The following TMED10 variants were observed in gnomAD, a reference collection of about 807,000 sequenced individuals.
TMED10 encodes transmembrane emp24 domain-containing protein 10.
A neutral mutation model predicts 23.1 loss-of-function variants in TMED10; 7 were observed. The ratio of observed to expected loss-of-function variants is 0.30; its 90% CI spans 0.17 to 0.57. TMED10 has a LOEUF of 0.57. Ranked by LOEUF, TMED10 falls within the 20% of genes least tolerant of loss-of-function variation. TMED10 has a pLI of 0.91. For missense variants in TMED10, 162 were observed against 274.8 expected (o/e 0.59, Z 2.90); for synonymous variants, 113 against 106.9 (o/e 1.06, Z -0.35).
At chr14:75,159,764 C>T (rs1306210396) in intron 1 of TMED10, among the ~76,000 whole-genome samples, 1 of 152,162 alleles carries the variant, frequency 6.6e-6, no homozygotes, top group Non-Finnish European at 1.5e-5. Context: ...CCAGCTGGTA[C>T]TCCAAAGGGG....
intron 1 of TMED10, among the ~76,000 whole-genome samples, chr14:75,164,326 G>A (rs893403221): frequency 4.7e-5 from 7 of 150,382 alleles, no homozygotes; most frequent in Non-Finnish European, 1.0e-4. Flanking sequence ...CCACCTCCGG[G>A]TTCAAGCAAT....
chr14:75,154,335 G>C (rs1368788594), intron 1 of TMED10, among the ~76,000 whole-genome samples: 2 of 129,600 alleles, frequency 1.5e-5, no homozygotes, highest in African/African-American at 5.9e-5. Flanking sequence ...CCGGGAGGCA[G>C]AAGTTGCGGT....
intron 3 of TMED10, among the ~76,000 whole-genome samples, chr14:75,137,985 A>G (rs1895774173): frequency 6.6e-6 from 1 of 152,130 alleles, no homozygotes; most frequent in South Asian, 2.1e-4. Flanking sequence ...CTGGGATTAC[A>G]GGCGTGAGCC....
intron 1 of TMED10, among the ~76,000 whole-genome samples, chr14:75,164,577 A>ATATAT (rs1566675301): frequency 2.2e-5 from 1 of 45,134 alleles, no homozygotes; most frequent in African/African-American, 2.2e-4. Context: ...ATATATATAT[A>ATATAT]TTTTTTTTTT....
intron 1 of TMED10, among the ~76,000 whole-genome samples, chr14:75,163,161 G>A (rs1896105016): frequency 6.6e-6 from 1 of 152,118 alleles, no homozygotes; most frequent in Non-Finnish European, 1.5e-5. Flanking sequence ...AGGATTGCCT[G>A]ATCCCAGGAG....
At chr14:75,139,324 A>G (rs1895793393) in intron 3 of TMED10, among the ~76,000 whole-genome samples, 1 of 151,484 alleles carries the variant, frequency 6.6e-6, no homozygotes, top group East Asian at 1.9e-4. Context: ...ACTGCTGCAC[A>G]GCATTCCACA....
At chr14:75,152,622 A>G (rs146557721) in intron 1 of TMED10, among the ~76,000 whole-genome samples, 42 of 152,336 alleles carry the variant, frequency 2.8e-4, no homozygotes, top group African/African-American at 9.4e-4. Flanking sequence ...CACACAATAC[A>G]AGGACAGCAG....
chr14:75,163,080 A>AT (rs1420187371), intron 1 of TMED10, among the ~76,000 whole-genome samples: 8 of 145,412 alleles, frequency 5.5e-5, no homozygotes, highest in African/African-American at 1.0e-4. Flanking sequence ...AAAAATAATT[A>AT]AAAAAAAAAA....
chr14:75,148,003 G>A, intron 2 of TMED10: 1 of 534,264 alleles, frequency 1.9e-6, no homozygotes, highest in South Asian at 2.1e-5. Context: ...AAGGACACAA[G>A]ATACTGCAAC....
chr14:75,167,375 T>TCCTC (rs1896177806), intron 1 of TMED10, among the ~76,000 whole-genome samples: 1 of 151,912 alleles, frequency 6.6e-6, no homozygotes, highest in South Asian at 2.1e-4. Context: ...TTTCCTTCCT[T>TCCTC]CCTCCCTCCC....
At chr14:75,176,243 G>T in intron 1 of TMED10, 112 bp downstream of exon 1, 2 of 1,345,022 alleles carry the variant, frequency 1.5e-6, no homozygotes, top group South Asian at 1.3e-5. Context: ...TGCGCTCCCG[G>T]GAGGCCAGAA....
At chr14:75,168,139 G>T (rs1006516317) in intron 1 of TMED10, among the ~76,000 whole-genome samples, 6 of 152,034 alleles carry the variant, frequency 3.9e-5, no homozygotes, top group Non-Finnish European at 8.8e-5. Context: ...ATCTCTCTCT[G>T]CTTCAGAAAG....
At chr14:75,147,864 T>A in intron 2 of TMED10, 127 bp from the exon 3 acceptor site, 1 of 805,580 alleles carries the variant, frequency 1.2e-6, no homozygotes, top group Non-Finnish European at 1.9e-6. Context: ...CCACAACTCC[T>A]CCCCCTGCTC....
intron 2 of TMED10, among the ~76,000 whole-genome samples, chr14:75,151,245 G>A (rs1895953276): frequency 6.6e-6 from 1 of 151,044 alleles, no homozygotes; most frequent in Non-Finnish European, 1.5e-5. Flanking sequence ...TTTTGAGATG[G>A]AGTCTCACTC....
In TMED10 at chr14:75,152,207, C is replaced by T; in HGVS notation, c.226-64G>A. The T allele has an allele frequency of 2.3e-6, 3 of 1,324,990 alleles. No homozygotes were observed. The South Asian group carries it at 3.7e-5, about 16-fold the overall frequency. The allele number at this position is 1,324,990 out of a possible 1,614,324, so 82.1% of individuals were successfully genotyped here. ...CACTCAGGAAGAGAACTTACAGAAA[C>T]TGGGAAGATAGAGACACTATCTATG... On this transcript the variant is annotated intron_variant, in intron 1 of 4. Transcript: ENST00000303575.
chr14:75,176,590 A>C lies in TMED10; in HGVS notation c.-11T>G, dbSNP rs1213842523. 6.2e-7 allele frequency: 1 copy of C among 1,613,542 alleles called. No homozygotes were observed. The highest frequency in any genetic ancestry group is 1.3e-5 in the African/African-American group (1 of 74,900). The stretch of plus-strand genomic sequence containing the variant: ...AGACAAACCAGACATGGTGCTGGAG[A>C]CTCGTTCACCACCGAAGGCCTCAAC... On this transcript the variant is annotated 5_prime_UTR_variant, in exon 1 of 5. Coordinates refer to ENST00000303575, the MANE Select transcript of TMED10 (RefSeq NM_006827.6).
intron 1 of TMED10, among the ~76,000 whole-genome samples, chr14:75,157,341 A>G (rs1329793835): frequency 6.6e-6 from 1 of 152,220 alleles, no homozygotes; most frequent in Non-Finnish European, 1.5e-5. Flanking sequence ...TAACTTGTCC[A>G]TTATAGCAGT....
At chr14:75,151,549 GT>G (rs1218897955) in intron 2 of TMED10, among the ~76,000 whole-genome samples, 2 of 152,154 alleles carry the variant, frequency 1.3e-5, no homozygotes, top group Non-Finnish European at 2.9e-5. Flanking sequence ...TGTTAGAGCA[GT>G]TTTAGGTTCA....
intron 1 of TMED10, among the ~76,000 whole-genome samples, chr14:75,172,586 G>A (rs1046790393): frequency 1.3e-5 from 2 of 152,136 alleles, no homozygotes; most frequent in Non-Finnish European, 2.9e-5. Flanking sequence ...GGGATTACAG[G>A]CATGAGCCAC....
Sources: allele counts gnomAD v4.1 joint callset (sites outside exome capture counted in the v4.1 genomes callset), GRCh38; gene constraint gnomAD v4.1.1; transcripts MANE v1.5; gene names NCBI Gene and HGNC (gene_info 2026-07-23, HGNC 2026-07-21).